KRT80: variants seen among roughly 807,000 people sequenced by gnomAD.
The protein encoded by KRT80 is keratin, type II cytoskeletal 80.
KRT80 carries 36 observed loss-of-function variants against 51.5 expected under a neutral mutation model. The ratio of observed to expected loss-of-function variants is 0.70; its 90% CI spans 0.54 to 0.92. KRT80 has a LOEUF of 0.92. KRT80 is among the 40% of genes least tolerant of loss of function. The probability of loss-of-function intolerance (pLI) is 0.00; values close to 1 mark genes in which losing one functional copy is unlikely to be tolerated. For missense variants in KRT80, 566 were observed against 591.7 expected, an observed-to-expected ratio of 0.96 and a Z score of 0.45; for synonymous variants, 235 against 248.3, an observed-to-expected ratio of 0.95 and a Z score of 0.50.
intron 6 of KRT80, 33 bp from the exon 7 acceptor site, chr12:52,172,451 T>G: frequency 6.3e-7 from 1 of 1,584,058 alleles, no homozygotes. Flanking sequence ...AAAGGGCCTG[T>G]GAGCAGGGGA....
intron 2 of KRT80, among the ~76,000 whole-genome samples, chr12:52,183,327 C>T (rs1251657138): frequency 6.6e-6 from 1 of 152,212 alleles, no homozygotes; most frequent in African/African-American, 2.4e-5. Context: ...TTTAGCTTGT[C>T]ACACCTGCAC....
chr12:52,187,003 C>A (rs935348831), intron 1 of KRT80, among the ~76,000 whole-genome samples: 4 of 152,206 alleles, frequency 2.6e-5, no homozygotes, highest in African/African-American at 4.8e-5. Context: ...TCTTGAAAGG[C>A]CCCCAGTTTA....
At chr12:52,172,646 G>A (rs1188003215) in intron 6 of KRT80, among the ~76,000 whole-genome samples, 1 of 152,186 alleles carries the variant, frequency 6.6e-6, no homozygotes, top group Non-Finnish European at 1.5e-5. Flanking sequence ...CACTAAAGGA[G>A]CCTGTCCCGG....
chr12:52,185,074 G>A (rs1217447704), intron 2 of KRT80, among the ~76,000 whole-genome samples: 1 of 152,186 alleles, frequency 6.6e-6, no homozygotes, highest in Non-Finnish European at 1.5e-5. Flanking sequence ...ACGGCTGCTC[G>A]AGGCAGGGGG....
At chr12:52,185,825 C>T (rs776235195) in intron 1 of KRT80, 65 of 801,122 alleles carry the variant, frequency 8.1e-5, no homozygotes, top group South Asian at 4.7e-4. Context: ...GGTTTCCAGG[C>T]GAGGGCAGGG....
intron 2 of KRT80, among the ~76,000 whole-genome samples, chr12:52,182,251 T>A (rs1941336269): frequency 6.6e-6 from 1 of 152,052 alleles, no homozygotes; most frequent in African/African-American, 2.4e-5. Flanking sequence ...AAATTGGACT[T>A]GAGTGGGGAA....
chr12:52,169,154 G>C lies in KRT80; in HGVS notation c.*2244C>G, dbSNP rs948664900. 2.0e-5 allele frequency: 3 copies of C among 152,158 alleles called. No individual in the cohort carries two copies. The highest frequency in any genetic ancestry group is 7.2e-5 in the African/African-American group (3 of 41,442). The allele number at this position is 152,158 out of a possible 1,614,324, so 9.4% of individuals were successfully genotyped here. On this transcript the variant is annotated 3_prime_UTR_variant, in exon 9 of 9. Transcript: ENST00000394815. ...GGCATATCACATGGCGAGAAAGAGG[G>C]GAGAGGTCTCAGACTCTTTTAAACA...
intron 2 of KRT80, 148 bp from the exon 3 acceptor site, chr12:52,181,111 A>G (rs1662682599): frequency 7.3e-6 from 4 of 550,360 alleles, no homozygotes; most frequent in African/African-American, 3.8e-5. Flanking sequence ...TCCCTCTTGC[A>G]TCTTCTATGA....
intron 4 of KRT80, among the ~76,000 whole-genome samples, chr12:52,176,901 C>T (rs1353760760): frequency 6.6e-6 from 1 of 152,180 alleles, no homozygotes; most frequent in Non-Finnish European, 1.5e-5. Context: ...TTGTTGAATG[C>T]TTACCATGTG....
At chr12:52,173,858 G>C (rs1941167930) in intron 4 of KRT80, 94 bp from the exon 5 acceptor site, 1 of 1,258,108 alleles carries the variant, frequency 7.9e-7, no homozygotes, top group South Asian at 1.4e-5. Context: ...GGTGAGCGGA[G>C]AGTGGAGCTG....
At chr12:52,177,913 A>G (rs1434621456) in intron 4 of KRT80, among the ~76,000 whole-genome samples, 1 of 152,076 alleles carries the variant, frequency 6.6e-6, no homozygotes, top group Non-Finnish European at 1.5e-5. Context: ...TATTTTTGAT[A>G]TATTGGGCTA....
At chr12:52,176,174 C>T (rs1464626350) in intron 4 of KRT80, among the ~76,000 whole-genome samples, 1 of 152,240 alleles carries the variant, frequency 6.6e-6, no homozygotes, top group Non-Finnish European at 1.5e-5. Context: ...GCGTTCAGAA[C>T]ATCCACAGAC....
chr12:52,185,354 A>C lies in KRT80; in HGVS notation c.509+25T>G, dbSNP rs578258037. On this transcript the variant is annotated intron_variant, in intron 2 of 8. Transcript: ENST00000394815. ...TGGTCCCAGCCCTCAGGCCTTGCTCATGGCTCTCATGGGGCTCTACGTACC... is the reference window on the plus strand; with the variant it reads ...TGGTCCCAGCCCTCAGGCCTTGCTCCTGGCTCTCATGGGGCTCTACGTACC... 1.4e-5 allele frequency: 22 copies of C among 1,588,800 alleles called. No homozygotes were observed. The South Asian group carries it at 2.0e-4, about 14-fold the overall frequency.
intron 7 of KRT80, 129 bp downstream of exon 7, chr12:52,172,069 A>T: frequency 1.0e-6 from 1 of 984,636 alleles, no homozygotes; most frequent in Non-Finnish European, 1.5e-6. Flanking sequence ...GTAAGTGACT[A>T]AGCCAAGACT....
At chr12:52,188,712 T>A (rs1941440840) in intron 1 of KRT80, among the ~76,000 whole-genome samples, 1 of 152,220 alleles carries the variant, frequency 6.6e-6, no homozygotes. Context: ...CCAGGCATTT[T>A]ACCACTGCTC....
chr12:52,172,488 C>T lies in KRT80; in HGVS notation c.958-70G>A, dbSNP rs1374864443. ...GGAGGAGCGGGCCAGGGCCAGGAGTCGTCTCTGTCCTTGGTGGGGGTAGGT... is the reference window on the plus strand; with the variant it reads ...GGAGGAGCGGGCCAGGGCCAGGAGTTGTCTCTGTCCTTGGTGGGGGTAGGT... On this transcript the variant is annotated intron_variant, in intron 6 of 8. Transcript: ENST00000394815. 7.8e-6 allele frequency: 11 copies of T among 1,413,274 alleles called. No homozygotes were observed. In the South Asian group the frequency reaches 7.9e-5, roughly 10 times the overall value. The allele number at this position is 1,413,274 out of a possible 1,614,324, so 87.5% of individuals were successfully genotyped here.
At chr12:52,177,637 G>C (rs371325186) in intron 4 of KRT80, among the ~76,000 whole-genome samples, 1 of 32,330 alleles carries the variant, frequency 3.1e-5, no homozygotes, top group African/African-American at 1.9e-4. Context: ...TATCTTGGCT[G>C]TGTGTGTGTG....
At position 52,171,541 on chromosome 12, in the gene KRT80, G is replaced by T. The variant is rs1692057005; in HGVS notation, c.1235-19C>A. 9 of 1,613,706 alleles carry T rather than the reference G, an allele frequency of 5.6e-6. No homozygotes were observed. The highest frequency in any genetic ancestry group is 7.6e-6 in the Non-Finnish European group (9 of 1,179,844). Reference sequence around the variant, plus strand: ...GAGGCAGCTACAGGGAACATAAGGGGTAGGGGAGGGAAGGGGCTGGAGGTT... The same window carrying T: ...GAGGCAGCTACAGGGAACATAAGGGTTAGGGGAGGGAAGGGGCTGGAGGTT... On this transcript the variant is annotated intron_variant, in intron 8 of 8. Transcript: ENST00000394815.
intron 1 of KRT80, 144 bp from the exon 2 acceptor site, chr12:52,185,731 G>A: frequency 6.7e-7 from 1 of 1,490,822 alleles, no homozygotes; most frequent in South Asian, 1.2e-5. Flanking sequence ...TCACTCAGCA[G>A]AAAGCACCTC....
Sources: gnomAD v4.1 joint callset for allele counts (sites outside exome capture counted in the v4.1 genomes callset) on GRCh38, gnomAD v4.1.1 for gene constraint, MANE v1.5 for transcripts, NCBI Gene and HGNC (gene_info 2026-07-23, HGNC 2026-07-21) for gene names.